The following CLMN variants were observed in gnomAD, a reference collection of about 807,000 sequenced individuals.
CLMN encodes the protein calmin.
Under a neutral mutation model 92.7 loss-of-function variants are expected in CLMN, and 57 were observed. That is an observed-to-expected ratio of 0.61 (90% confidence interval 0.50 to 0.77). The LOEUF (loss-of-function observed/expected upper bound fraction) is 0.77, where lower values mean the gene tolerates loss of function less well. Ranked by LOEUF, CLMN falls within the 30% of genes least tolerant of loss-of-function variation. The pLI is 0.00. For missense variants in CLMN, 1,158 were observed against 1,237.5 expected, an observed-to-expected ratio of 0.94 and a Z score of 0.96; for synonymous variants, 466 against 470.6, an observed-to-expected ratio of 0.99 and a Z score of 0.13.
intron 1 of CLMN, among the ~76,000 whole-genome samples, chr14:95,279,974 T>G (rs1455608753): frequency 1.1e-5 from 1 of 91,998 alleles, no homozygotes; most frequent in African/African-American, 5.1e-5. Context: ...ATGTTGTTGT[T>G]TTTTTTTTTT....
intron 6 of CLMN, among the ~76,000 whole-genome samples, chr14:95,211,176 G>A (rs1175419391): frequency 2.0e-5 from 3 of 152,182 alleles, no homozygotes; most frequent in Non-Finnish European, 4.4e-5. Flanking sequence ...TTGTATCAGT[G>A]ACATTGAAAA....
chr14:95,209,051 A>G (rs773373178), intron 8 of CLMN, among the ~76,000 whole-genome samples: 9 of 152,214 alleles, frequency 5.9e-5, no homozygotes, highest in Non-Finnish European at 1.0e-4. Flanking sequence ...TAATTGTTCT[A>G]TGTAACTATT....
Position 95,242,773 on chromosome 14 carries a change from A to T in CLMN, c.83-12640T>A, listed in dbSNP as rs1340986392. On this transcript the variant is annotated intron_variant, in intron 1 of 12. Transcript: ENST00000298912. Reference sequence around the variant, plus strand: ...TAGTAGAGACAGGGTTTCACTATATAGGCCAAGATGGTCTCGAACTCCAGA... The same window carrying T: ...TAGTAGAGACAGGGTTTCACTATATTGGCCAAGATGGTCTCGAACTCCAGA... 6.7e-5 allele frequency among the ~76,000 whole-genome samples: 10 copies of T among 149,220 alleles called. No individual in the cohort carries two copies. The South Asian group carries it at 1.7e-3, about 25-fold the overall frequency.
rs542905143 is a variant in CLMN at position 95,223,857 on chromosome 14, T to A, written c.145-2A>T. ...TTTAACTTCTAGAGGTGGGTTGCAC[T>A]TTGAAAGAGAAGGGAAGAAAGTAGC... On this transcript the variant is annotated splice_acceptor_variant, in intron 2 of 12. Transcript: ENST00000298912. LOFTEE classifies it high-confidence loss of function. The A allele has an allele frequency of 1.9e-6, 3 of 1,607,346 alleles. No individual in the cohort carries two copies. The South Asian group carries it at 3.3e-5, about 18-fold the overall frequency.
At position 95,242,596 on chromosome 14, in the gene CLMN, C is replaced by T. The variant is rs1296666795; in HGVS notation, c.83-12463G>A. 1.3e-4 allele frequency among the ~76,000 whole-genome samples: 14 copies of T among 108,814 alleles called. No individual in the cohort carries two copies. The East Asian group carries it at 2.6e-3, about 20-fold the overall frequency. The allele number at this position is 108,814 out of a possible 152,430, so 71.4% of individuals were successfully genotyped here. ...TTTCTTTTTTTTTGAGACGGAGTCT[C>T]GCTCTGTCGCCAGGCTGGAGTGCAG... On this transcript the variant is annotated intron_variant, in intron 1 of 12. Coordinates refer to ENST00000298912, the MANE Select transcript of CLMN (RefSeq NM_024734.4).
At chr14:95,280,762 AAT>A (rs1420415807) in intron 1 of CLMN, among the ~76,000 whole-genome samples, 1 of 152,180 alleles carries the variant, frequency 6.6e-6, no homozygotes, top group Non-Finnish European at 1.5e-5. Flanking sequence ...TATTTTTATA[AAT>A]ATGTTATTGG....
At chr14:95,295,489 C>T (rs143367198) in intron 1 of CLMN, among the ~76,000 whole-genome samples, 5 of 152,264 alleles carry the variant, frequency 3.3e-5, no homozygotes, top group East Asian at 1.9e-4. Context: ...GGGATACGTA[C>T]GGTAAGAGCT....
intron 1 of CLMN, among the ~76,000 whole-genome samples, chr14:95,233,605 A>C (rs1010850791): frequency 6.6e-6 from 1 of 152,252 alleles, no homozygotes; most frequent in Non-Finnish European, 1.5e-5. Context: ...CAGCCAAATA[A>C]GTAAAAGAGA....
At chr14:95,213,119 A>G (rs1897244049) in intron 6 of CLMN, 100 bp downstream of exon 6, 4 of 1,270,282 alleles carry the variant, frequency 3.1e-6, no homozygotes, top group Middle Eastern at 2.0e-4. Flanking sequence ...AGCAATGGGC[A>G]CATACATAAC....
chr14:95,272,348 G>C (rs1016352137), intron 1 of CLMN, among the ~76,000 whole-genome samples: 30 of 152,164 alleles, frequency 2.0e-4, no homozygotes, highest in African/African-American at 7.0e-4. Flanking sequence ...CCTGGCTGCT[G>C]TAACACATAA....
chr14:95,297,946 C>T (rs532939612), intron 1 of CLMN, among the ~76,000 whole-genome samples: 2 of 152,246 alleles, frequency 1.3e-5, no homozygotes, highest in Admixed American at 1.3e-4. Context: ...AAATCTGAGG[C>T]TGTATGGTAG....
At chr14:95,268,576 T>G (rs1036788224) in intron 1 of CLMN, among the ~76,000 whole-genome samples, 1 of 152,120 alleles carries the variant, frequency 6.6e-6, no homozygotes, top group South Asian at 2.1e-4. Context: ...TCATCTTGAC[T>G]GCCATGGTGG....
At chr14:95,228,189 A>G (rs1039195997) in intron 2 of CLMN, among the ~76,000 whole-genome samples, 9 of 152,120 alleles carry the variant, frequency 5.9e-5, no homozygotes, top group African/African-American at 1.9e-4. Flanking sequence ...AGAAAGAAAT[A>G]CTCCATGGCT....
At chr14:95,269,579 G>A (rs1438384784) in intron 1 of CLMN, among the ~76,000 whole-genome samples, 1 of 152,270 alleles carries the variant, frequency 6.6e-6, no homozygotes, top group East Asian at 1.9e-4. Context: ...GAGTCTCAAT[G>A]GACTCCTGCT....
At chr14:95,240,275 C>T (rs965572994) in intron 1 of CLMN, among the ~76,000 whole-genome samples, 1 of 152,216 alleles carries the variant, frequency 6.6e-6, no homozygotes, top group Non-Finnish European at 1.5e-5. Flanking sequence ...GCTTACCAAA[C>T]CCTACTTCCT....
chr14:95,193,866 T>C lies in CLMN; in HGVS notation c.2823A>G (p.Arg941=). The change falls in exon 12 of 13, where the codon AGA becomes AGG. Residue 941 remains arginine (R), a synonymous_variant. Transcript: ENST00000298912. ...CCACCAACCTGGTTAATATTCGGTT[T>C]CTTCTGTCATCCAGATCTGCTGCGT... ...LRNAADLDDR[R]NRILTRKANS... is the part of the protein sequence containing the mutation. 6.2e-7 allele frequency: 1 copy of C among 1,614,124 alleles called. No individual in the cohort carries two copies. Among genetic ancestry groups the C allele is most frequent in the African/African-American group, 1.3e-5 (1 of 75,038 alleles).
chr14:95,236,725 C>A (rs1272382484), intron 1 of CLMN, among the ~76,000 whole-genome samples: 1 of 152,204 alleles, frequency 6.6e-6, no homozygotes, highest in African/African-American at 2.4e-5. Flanking sequence ...GAGGGCTCTG[C>A]CAACAAGCCC....
intron 1 of CLMN, among the ~76,000 whole-genome samples, chr14:95,279,741 C>T (rs1210475632): frequency 2.0e-5 from 3 of 152,212 alleles, no homozygotes; most frequent in Admixed American, 6.5e-5. Context: ...CAAGATCATG[C>T]CACTGCACTC....
chr14:95,304,683 TTGTTGTACAATC>T (rs1455991000), intron 1 of CLMN, among the ~76,000 whole-genome samples: 26 of 152,160 alleles, frequency 1.7e-4, no homozygotes, highest in African/African-American at 6.3e-4. Flanking sequence ...ATTGTACAGA[TTGTTGTACAATC>T]TGTACAACAG....
Sources: allele counts gnomAD v4.1 joint callset (sites outside exome capture counted in the v4.1 genomes callset), GRCh38; gene constraint gnomAD v4.1.1; transcripts MANE v1.5; gene names NCBI Gene and HGNC (gene_info 2026-07-23, HGNC 2026-07-21).